INHBC: variants seen among roughly 807,000 people sequenced by gnomAD.
The protein encoded by INHBC is inhibin subunit beta C.
Under a neutral mutation model 12.4 loss-of-function variants are expected in INHBC, and 10 were observed. That is an observed-to-expected ratio of 0.81 (90% CI 0.50 to 1.37). INHBC has a LOEUF of 1.37. INHBC is among the 40% of genes most tolerant of loss of function. The probability of loss-of-function intolerance (pLI) is 0.00; values close to 1 mark genes in which losing one functional copy is unlikely to be tolerated. For synonymous variants in INHBC, 147 were observed against 171.6 expected (o/e 0.86, Z 1.12); for missense variants, 382 against 439.4 (o/e 0.87, Z 1.17).
chr12:57,435,257 T>A, intron 1 of INHBC, 58 bp downstream of exon 1: 1 of 1,492,414 alleles, frequency 6.7e-7, no homozygotes, highest in East Asian at 2.4e-5. Context: ...AAAGGAAAAG[T>A]TTCCTCGCCA....
intron 1 of INHBC, among the ~76,000 whole-genome samples, chr12:57,437,909 C>A (rs1870381939): frequency 6.6e-6 from 1 of 151,924 alleles, no homozygotes; most frequent in Non-Finnish European, 1.5e-5. Flanking sequence ...CCTCAGCCTC[C>A]CGAGTATCTG....
At position 57,450,106 on chromosome 12, in the gene INHBC, C is replaced by G. The variant is rs1461580461; in HGVS notation, c.*84C>G. On this transcript the variant is annotated 3_prime_UTR_variant, in exon 2 of 2. Transcript: ENST00000309668. ...CACTTCCTTGAGAGGAGGGAATGAC[C>G]TCATTCTCTGTCCAGAATGTGGACT... The G allele has an allele frequency of 2.9e-6, 4 of 1,372,558 alleles. No homozygotes were observed. The highest frequency in any genetic ancestry group is 1.4e-5 in the African/African-American group (1 of 69,064). The allele number at this position is 1,372,558 out of a possible 1,614,324, so 85.0% of individuals were successfully genotyped here.
intron 1 of INHBC, among the ~76,000 whole-genome samples, chr12:57,441,737 A>G (rs1393411559): frequency 6.7e-6 from 1 of 149,718 alleles, no homozygotes; most frequent in Non-Finnish European, 1.5e-5. Context: ...GCTGGAGTGC[A>G]GTGGCACAGT....
At chr12:57,441,592 T>A (rs1004167527) in intron 1 of INHBC, among the ~76,000 whole-genome samples, 20 of 151,860 alleles carry the variant, frequency 1.3e-4, no homozygotes, top group African/African-American at 4.8e-4. Context: ...ACCCCACTTC[T>A]GATACTAATT....
In INHBC at chr12:57,451,197, C is replaced by G. The variant is rs183629991; in HGVS notation, c.*1175C>G. ...TTGAGGTCTCATGGCTAATAAAAAC[C>G]TAGGCTTTACCTGTTCCCTCTGTAA... On this transcript the variant is annotated 3_prime_UTR_variant, in exon 2 of 2. Transcript: ENST00000309668. Among the ~76,000 whole-genome samples, 1 of 152,314 alleles carries G rather than the reference C, an allele frequency of 6.6e-6. No homozygotes were observed. The highest frequency in any genetic ancestry group is 1.9e-4 in the East Asian group (1 of 5,192).
chr12:57,449,390 A>C lies in INHBC; in HGVS notation c.427A>C (p.Asn143His). ...SLMFFVQLPS[N>H]TTWTLKVRVL... ...CATGTTCTTTGTGCAGCTCCCTTCC[A>C]ATACCACTTGGACCTTGAAAGTGAG... The change falls in exon 2 of 2, where the codon AAT becomes CAT. Residue 143 changes from asparagine to histidine, a missense_variant. Transcript: ENST00000309668. 1 of 1,614,192 alleles carries C rather than the reference A, an allele frequency of 6.2e-7. No individual in the cohort carries two copies. The highest frequency in any genetic ancestry group is 8.5e-7 in the Non-Finnish European group (1 of 1,180,042).
intron 1 of INHBC, among the ~76,000 whole-genome samples, chr12:57,440,882 C>T (rs997987317): frequency 1.6e-4 from 24 of 152,130 alleles, no homozygotes; most frequent in Non-Finnish European, 3.5e-4. Flanking sequence ...CTTCCCTACC[C>T]TTCTAACTTC....
chr12:57,441,430 C>T (rs1415640829), intron 1 of INHBC, among the ~76,000 whole-genome samples: 5 of 142,164 alleles, frequency 3.5e-5, no homozygotes, highest in African/African-American at 1.3e-4. Flanking sequence ...GAGGCTGAGG[C>T]AGGAGAATTG....
At chr12:57,449,181 G>A (rs1294144449) in intron 1 of INHBC, 96 bp from the exon 2 acceptor site, 2 of 1,432,834 alleles carry the variant, frequency 1.4e-6, no homozygotes, top group Non-Finnish European at 9.4e-7. Flanking sequence ...CAAATGCCAA[G>A]TGCTATAGAC....
At position 57,449,841 on chromosome 12, in the gene INHBC, C is replaced by T. The variant is rs759805878; in HGVS notation, c.878C>T (p.Ser293Phe). ...GCAGGCATGCCTGGTATTGCTGCCT[C>T]CTTTCACACTGCAGTGCTCAATCTT... The part of the protein sequence containing the change: ...HIAGMPGIAA[S>F]FHTAVLNLLK... Residue 293 changes from serine to phenylalanine, a missense_variant, in exon 2 of 2, where the codon TCC (serine) becomes TTC (phenylalanine). By Grantham distance (155) the Ser-to-Phe change is radical (BLOSUM62 -2). Transcript: ENST00000309668. 1.8e-5 allele frequency: 29 copies of T among 1,612,704 alleles called. No homozygotes were observed. Among genetic ancestry groups the T allele is most frequent in the Non-Finnish European group, 2.3e-5 (27 of 1,179,206 alleles).
intron 1 of INHBC, among the ~76,000 whole-genome samples, chr12:57,445,722 C>CT (rs1469259408): frequency 1.5e-4 from 22 of 146,890 alleles, no homozygotes; most frequent in East Asian, 6.4e-4. Flanking sequence ...GACCCCCCGC[C>CT]CATCTCCATG....
chr12:57,436,289 C>T lies in INHBC; in HGVS notation c.313+1090C>T, dbSNP rs148632682. Among the ~76,000 whole-genome samples, 310 of 151,408 alleles carry T rather than the reference C, an allele frequency of 2.0e-3. 4 individuals carry two copies. The highest frequency in any genetic ancestry group is 0.019 in the East Asian group (96 of 5,124). On this transcript the variant is annotated intron_variant, in intron 1 of 1. Transcript: ENST00000309668. ...AAGCAGTTCTCCCACCTCAGCCTCC[C>T]GAGTAGCTGGGACTACAGGCGTGTG...
chr12:57,437,240 C>A (rs557741197), intron 1 of INHBC, among the ~76,000 whole-genome samples: 1 of 151,956 alleles, frequency 6.6e-6, no homozygotes, highest in Admixed American at 6.5e-5. Flanking sequence ...GAGTGAGACC[C>A]CCATCTCTAA....
rs748084399 is a variant in INHBC, at chr12:57,449,693, T to C, written c.730T>C (p.Ser244Pro). 6.2e-7 allele frequency: 1 copy of C among 1,614,118 alleles called. No individual in the cohort carries two copies. The highest frequency in any genetic ancestry group is 1.7e-5 in the Admixed American group (1 of 60,004). Residue 244 changes from serine to proline, a missense_variant, in exon 2 of 2, where the codon TCC becomes CCC. Transcript: ENST00000309668. ...HRRGIDCQGGSRMCCRQEFFV... is the reference protein window; with the variant it reads ...HRRGIDCQGGPRMCCRQEFFV... ...ACGAGGCATCGACTGCCAAGGAGGG[T>C]CCAGGATGTGCTGTCGACAAGAGTT...
In INHBC at chr12:57,451,882, T is replaced by G. The variant is rs1870719541; in HGVS notation, c.*1860T>G. 1 of 455,520 alleles carries G rather than the reference T, an allele frequency of 2.2e-6. No homozygotes were observed. Among genetic ancestry groups the G allele is most frequent in the Non-Finnish European group, 4.4e-6 (1 of 226,698 alleles). The allele number at this position is 455,520 out of a possible 1,614,324, so 28.2% of individuals were successfully genotyped here. On this transcript the variant is annotated 3_prime_UTR_variant, in exon 2 of 2. Coordinates refer to ENST00000309668, the MANE Select transcript of INHBC (RefSeq NM_005538.4). Reference sequence around the variant, plus strand: ...CCAATTACAGCTTAGTCTCCAGGGCTAGGACTGGGGTAAAGCAAAGTGAGT... The same window carrying G: ...CCAATTACAGCTTAGTCTCCAGGGCGAGGACTGGGGTAAAGCAAAGTGAGT...
At chr12:57,436,466 T>A (rs937257758) in intron 1 of INHBC, among the ~76,000 whole-genome samples, 4 of 141,142 alleles carry the variant, frequency 2.8e-5, no homozygotes, top group South Asian at 4.5e-4. Flanking sequence ...CCTGGCCTTT[T>A]CTTTTTCTTT....
intron 1 of INHBC, among the ~76,000 whole-genome samples, chr12:57,435,586 C>A (rs1870317876): frequency 6.6e-6 from 1 of 152,142 alleles, no homozygotes; most frequent in African/African-American, 2.4e-5. Flanking sequence ...CTAGCCCCTC[C>A]CTTCCCCTCT....
At chr12:57,441,428 G>A (rs1421513956) in intron 1 of INHBC, among the ~76,000 whole-genome samples, 5 of 150,108 alleles carry the variant, frequency 3.3e-5, no homozygotes, top group Non-Finnish European at 5.9e-5. Flanking sequence ...GGGAGGCTGA[G>A]GCAGGAGAAT....
At position 57,448,089 on chromosome 12, in the gene INHBC, G is replaced by A. The variant is rs984466615; in HGVS notation, c.314-1188G>A. On this transcript the variant is annotated intron_variant, in intron 1 of 1. Coordinates refer to ENST00000309668, the MANE Select transcript of INHBC (RefSeq NM_005538.4). ...AGTCTCCCAAGTAGCTGGGATTACA[G>A]GCATGCACTACTCCACCCAGCTCTG... Among the ~76,000 whole-genome samples the A allele has an allele frequency of 2.0e-5, 3 of 151,108 alleles. No homozygotes were observed. The Admixed American group carries it at 2.0e-4, about 10-fold the overall frequency.
Sources: gnomAD v4.1 joint callset for allele counts (sites outside exome capture counted in the v4.1 genomes callset) on GRCh38, gnomAD v4.1.1 for gene constraint, MANE v1.5 for transcripts, NCBI Gene and HGNC (gene_info 2026-07-23, HGNC 2026-07-21) for gene names.